The following RELN variants were observed in gnomAD, a reference collection of about 807,000 sequenced individuals.
The protein encoded by RELN is reelin.
In RELN, 108 loss-of-function variants were observed where a neutral mutation model predicts 427.6. The ratio of observed to expected loss-of-function variants is 0.25; its 90% CI spans 0.22 to 0.30. RELN has a LOEUF of 0.30. Among genes scored for constraint, RELN ranks in the 10% least tolerant of loss-of-function variants. RELN has a pLI of 1.00. For synonymous variants in RELN, 1,524 were observed against 1,513.4 expected, an observed-to-expected ratio of 1.01 and a Z score of -0.16; for missense variants, 3,715 against 4,302.8, an observed-to-expected ratio of 0.86 and a Z score of 3.82.
At chr7:103,613,634 T>C (rs1267412121) in intron 20 of RELN, among the ~76,000 whole-genome samples, 2 of 152,178 alleles carry the variant, frequency 1.3e-5, no homozygotes, top group African/African-American at 4.8e-5. Context: ...AAGGGTTAAA[T>C]GTCTCTCTAA....
At chr7:103,834,695 A>G (rs1244579029) in intron 2 of RELN, among the ~76,000 whole-genome samples, 2 of 152,208 alleles carry the variant, frequency 1.3e-5, no homozygotes, top group Non-Finnish European at 2.9e-5. Flanking sequence ...TCATATGAAA[A>G]GATATTCAGG....
In RELN at chr7:103,540,356, C is replaced by G. The variant is rs367867782; in HGVS notation, c.6771G>C (p.Ser2257=). The change falls in exon 44 of 65, where the codon TCG becomes TCC. Residue 2257 remains serine, a synonymous_variant. Coordinates refer to ENST00000428762, the MANE Select transcript of RELN (RefSeq NM_005045.4). ...AAAGGAACTCCTGAAGAAGACTCCA[C>G]GAGAGGCCACCGTTGAGAGAATACT... ...LLQYSLNGGL[S]WSLLQEFLFS... The G allele has an allele frequency of 1.9e-6, 3 of 1,614,106 alleles. No individual in the cohort carries two copies. Among genetic ancestry groups the G allele is most frequent in the Non-Finnish European group, 2.5e-6 (3 of 1,180,006 alleles).
intron 6 of RELN, among the ~76,000 whole-genome samples, chr7:103,742,874 A>G (rs1168367703): frequency 6.6e-6 from 1 of 152,198 alleles, no homozygotes; most frequent in Non-Finnish European, 1.5e-5. Context: ...CCAATCTAGC[A>G]AGGCAGGCCA....
intron 2 of RELN, among the ~76,000 whole-genome samples, chr7:103,865,144 A>T (rs1405264749): frequency 1.3e-5 from 2 of 150,462 alleles, no homozygotes; most frequent in African/African-American, 4.9e-5. Flanking sequence ...AAAAAAAAAA[A>T]AAAAAAAAAA....
Position 103,515,440 on chromosome 7 carries a change from A to T in RELN, c.7864T>A (p.Phe2622Ile). Reference sequence around the variant, plus strand: ...TCAGGAGGGAGAAGGATATTCACAAATCTATAGGAAAATGATGGGGAAGGG... The same window carrying T: ...TCAGGAGGGAGAAGGATATTCACAATTCTATAGGAAAATGATGGGGAAGGG... Reference protein sequence around the residue: ...IFYDQYSKPGFVNILLPPDAK... With the variant: ...IFYDQYSKPGIVNILLPPDAK... The change falls in exon 50 of 65, where the codon TTT becomes ATT. Residue 2622 changes from phenylalanine (F) to isoleucine (I), a missense_variant and splice_region_variant. This residue lies in a region of RELN where 1,310 missense variants were observed against 1,643.0 expected (regional missense o/e 0.80). Coordinates refer to ENST00000428762, the MANE Select transcript of RELN (RefSeq NM_005045.4). 1 of 1,614,036 alleles carries T rather than the reference A, an allele frequency of 6.2e-7. No homozygotes were observed. The highest frequency in any genetic ancestry group is 8.5e-7 in the Non-Finnish European group (1 of 1,180,022).
intron 22 of RELN, among the ~76,000 whole-genome samples, chr7:103,605,880 G>C (rs1184396637): frequency 6.6e-6 from 1 of 152,172 alleles, no homozygotes; most frequent in Non-Finnish European, 1.5e-5. Context: ...ATAATACCAG[G>C]ATTCACAGAG....
At chr7:103,826,095 C>T (rs1348344471) in intron 3 of RELN, among the ~76,000 whole-genome samples, 1 of 151,964 alleles carries the variant, frequency 6.6e-6, no homozygotes, top group Non-Finnish European at 1.5e-5. Flanking sequence ...AGATGGGTTC[C>T]TGATAAAAGG....
At chr7:103,529,538 C>A (rs1394824440) in intron 46 of RELN, among the ~76,000 whole-genome samples, 1 of 151,974 alleles carries the variant, frequency 6.6e-6, no homozygotes, top group Non-Finnish European at 1.5e-5. Flanking sequence ...TTTGAGCCAC[C>A]TCTTACTTTT....
chr7:103,985,824 T>C (rs568527255), intron 1 of RELN, among the ~76,000 whole-genome samples: 259 of 152,230 alleles, frequency 1.7e-3, no homozygotes, highest in Middle Eastern at 6.8e-3. Flanking sequence ...AATCCAACCA[T>C]CACACTTTTC....
chr7:103,820,096 A>G (rs1792977987), intron 3 of RELN, among the ~76,000 whole-genome samples: 1 of 152,024 alleles, frequency 6.6e-6, no homozygotes, highest in East Asian at 1.9e-4. Flanking sequence ...TTTATCCAGC[A>G]TGGCATTTAT....
chr7:103,508,454 C>T (rs1231199631), intron 51 of RELN, among the ~76,000 whole-genome samples: 3 of 152,102 alleles, frequency 2.0e-5, no homozygotes, highest in Admixed American at 6.5e-5. Flanking sequence ...ATTCAGTAGC[C>T]CTTCATGTTA....
At chr7:103,669,242 T>C (rs1019228609) in intron 11 of RELN, among the ~76,000 whole-genome samples, 8 of 152,238 alleles carry the variant, frequency 5.3e-5, no homozygotes, top group African/African-American at 1.9e-4. Flanking sequence ...ATGGGAAGTT[T>C]AGTCTACTTT....
At chr7:103,797,338 C>T (rs1792332092) in intron 3 of RELN, among the ~76,000 whole-genome samples, 1 of 152,158 alleles carries the variant, frequency 6.6e-6, no homozygotes, top group African/African-American at 2.4e-5. Context: ...CTCCCAACCT[C>T]AGGTGATCCA....
At chr7:103,535,562 T>A in intron 45 of RELN, 78 bp from the exon 46 acceptor site, 6 of 1,370,626 alleles carry the variant, frequency 4.4e-6, no homozygotes, top group Non-Finnish European at 5.2e-6. Context: ...CACATTTGTG[T>A]ATGTTTTAGT....
chr7:103,679,668 C>CT (rs1350889231), intron 11 of RELN, among the ~76,000 whole-genome samples: 9 of 151,448 alleles, frequency 5.9e-5, no homozygotes, highest in African/African-American at 1.2e-4. Context: ...CTTCAGAGCT[C>CT]TTTTTTTCAG....
chr7:103,764,929 G>C (rs1198460050), intron 4 of RELN, among the ~76,000 whole-genome samples: 1 of 151,666 alleles, frequency 6.6e-6, no homozygotes, highest in Non-Finnish European at 1.5e-5. Context: ...AGAAAGAAAA[G>C]AGAAGTCAGG....
intron 11 of RELN, among the ~76,000 whole-genome samples, chr7:103,676,220 G>C (rs958964709): frequency 6.6e-6 from 1 of 152,114 alleles, no homozygotes; most frequent in Non-Finnish European, 1.5e-5. Context: ...CCATCAAAAA[G>C]TGGGCAAAGG....
intron 8 of RELN, among the ~76,000 whole-genome samples, chr7:103,708,621 GC>G (rs1789705155): frequency 6.6e-6 from 1 of 151,536 alleles, no homozygotes; most frequent in Non-Finnish European, 1.5e-5. Context: ...CCGCCAACAC[GC>G]CCGGCTAATT....
intron 3 of RELN, among the ~76,000 whole-genome samples, chr7:103,819,553 G>A (rs767909156): frequency 3.3e-5 from 5 of 152,120 alleles, no homozygotes; most frequent in Non-Finnish European, 1.5e-5. Flanking sequence ...TTCAAGAGAA[G>A]TCTCTGATTC....
Sources: gnomAD v4.1 joint callset for allele counts (sites outside exome capture counted in the v4.1 genomes callset) on GRCh38, gnomAD v4.1.1 for gene constraint, gnomAD v4.1.1 regional missense constraint, MANE v1.5 for transcripts, NCBI Gene and HGNC (gene_info 2026-07-23, HGNC 2026-07-21) for gene names.